The following MYO18B variants were observed in gnomAD, a reference collection of about 807,000 sequenced individuals.
The protein encoded by MYO18B is myosin XVIIIB.
Under a neutral mutation model 273.0 loss-of-function variants are expected in MYO18B, and 204 were observed. The observed-to-expected ratio is 0.75, with a 90% CI of 0.67 to 0.84. MYO18B has a LOEUF of 0.84. Among genes scored for constraint, MYO18B ranks in the 40% least tolerant of loss-of-function variants. The probability of loss-of-function intolerance (pLI) is 0.00; values close to 1 mark genes in which losing one functional copy is unlikely to be tolerated. For synonymous variants in MYO18B, 1,330 were observed against 1,305.7 expected (o/e 1.02, Z -0.40); for missense variants, 3,212 against 3,287.6 (o/e 0.98, Z 0.56).
intron 12 of MYO18B, among the ~76,000 whole-genome samples, chr22:25,802,104 C>T (rs769606166): frequency 1.3e-5 from 2 of 152,244 alleles, no homozygotes; most frequent in African/African-American, 4.8e-5. Flanking sequence ...AAGTACCCGA[C>T]CTCCCATACT....
the MYO18B span, among the ~76,000 whole-genome samples, chr22:26,060,769 C>G: frequency 6.8e-6 from 1 of 147,334 alleles, no homozygotes; most frequent in East Asian, 1.9e-4. Flanking sequence ...TACAAACATG[C>G]ATACATTTAT....
chr22:25,763,475 C>A, intron 3 of MYO18B, 86 bp downstream of exon 3: 1 of 1,453,210 alleles, frequency 6.9e-7, no homozygotes, highest in East Asian at 2.4e-5. Flanking sequence ...ATTTGTCATC[C>A]TGCCTTTGCT....
chr22:26,036,134 C>G, the MYO18B span, among the ~76,000 whole-genome samples: 4 of 152,192 alleles, frequency 2.6e-5, no homozygotes, highest in African/African-American at 7.2e-5. Context: ...TTGGATGCAG[C>G]CGTAGAAGGC....
chr22:25,885,370 G>A (rs937927825), intron 25 of MYO18B, among the ~76,000 whole-genome samples: 1 of 152,158 alleles, frequency 6.6e-6, no homozygotes, highest in East Asian at 1.9e-4. Flanking sequence ...TTGAGGAGAA[G>A]CATCTACTCA....
At chr22:25,960,547 T>C (rs1487074117) in intron 39 of MYO18B, among the ~76,000 whole-genome samples, 2 of 152,198 alleles carry the variant, frequency 1.3e-5, no homozygotes, top group Non-Finnish European at 1.5e-5. Context: ...TTGAAAAACT[T>C]GCATGGTGCT....
chr22:25,794,468 G>C, intron 11 of MYO18B, among the ~76,000 whole-genome samples: 1 of 151,916 alleles, frequency 6.6e-6, no homozygotes, highest in South Asian at 2.1e-4. Context: ...TTACAGGCAT[G>C]AGCCACCACA....
intron 11 of MYO18B, among the ~76,000 whole-genome samples, chr22:25,789,907 C>T (rs568537539): frequency 5.9e-5 from 9 of 152,294 alleles, no homozygotes; most frequent in Admixed American, 1.3e-4. Context: ...AATCCCAGCA[C>T]TTTGGGAGGC....
intron 12 of MYO18B, among the ~76,000 whole-genome samples, chr22:25,812,970 C>A (rs2088828254): frequency 6.6e-6 from 1 of 151,924 alleles, no homozygotes; most frequent in South Asian, 2.1e-4. Context: ...TCTCCTCTTT[C>A]TCTTCCTTCT....
At chr22:25,992,332 G>A in intron 39 of MYO18B, 31 bp from the exon 40 acceptor site, 1 of 1,611,566 alleles carries the variant, frequency 6.2e-7, no homozygotes, top group South Asian at 1.1e-5. Context: ...CTTGCCCAAG[G>A]CCAACGTGTG....
Position 25,946,252 on chromosome 22 carries a change from T to C in MYO18B, c.5631+2T>C. 1.3e-6 allele frequency: 2 copies of C among 1,564,024 alleles called. No individual in the cohort carries two copies. Among genetic ancestry groups the C allele is most frequent in the Non-Finnish European group, 1.7e-6 (2 of 1,155,320 alleles). On this transcript the variant is annotated splice_donor_variant, in intron 35 of 43. Transcript: ENST00000335473. LOFTEE classifies it high-confidence loss of function. ...AACATGACGCGGAACAAGAGCCTGG[T>C]ACCTGTCCCTTCCTGCAGCTGCAGG...
At chr22:25,880,928 G>A (rs1345971359) in intron 25 of MYO18B, among the ~76,000 whole-genome samples, 8 of 152,194 alleles carry the variant, frequency 5.3e-5, no homozygotes, top group African/African-American at 7.2e-5. Context: ...GGCAGGTGCC[G>A]AGGTCCTGGG....
chr22:25,935,848 C>T (rs1230971936), intron 34 of MYO18B, among the ~76,000 whole-genome samples: 2 of 152,196 alleles, frequency 1.3e-5, no homozygotes, highest in Admixed American at 1.3e-4. Flanking sequence ...GAGACCTATG[C>T]ATGGAGGATG....
chr22:25,743,850 C>A (rs2085698726), intron 1 of MYO18B, among the ~76,000 whole-genome samples: 1 of 152,154 alleles, frequency 6.6e-6, no homozygotes, highest in Non-Finnish European at 1.5e-5. Flanking sequence ...ATTCAGCATC[C>A]AGGAAGGTTT....
Position 25,763,260 on chromosome 22 carries a change from A to ATCCTCGCCCCC in MYO18B, c.75_85dup (p.Leu29ArgfsTer34), listed in dbSNP as rs1568980428. 8 of 1,610,666 alleles carry ATCCTCGCCCCC rather than the reference A, an allele frequency of 5.0e-6. No individual in the cohort carries two copies. Among genetic ancestry groups the ATCCTCGCCCCC allele is most frequent in the Non-Finnish European group, 6.8e-6 (8 of 1,178,298 alleles). On this transcript the variant is annotated frameshift_variant, in exon 3 of 44. Transcript: ENST00000335473. LOFTEE classifies it high-confidence loss of function. ...GGGAAGAGGACAAGAGCCCTCCACCATCCTCGCCCCCTCCTCTTTTCTCTG... is the reference window on the plus strand; with the variant it reads ...GGGAAGAGGACAAGAGCCCTCCACCATCCTCGCCCCCTCCTCGCCCCCTCCTCTTTTCTCTG...
At chr22:26,020,652 G>T (rs1935732407) in intron 42 of MYO18B, among the ~76,000 whole-genome samples, 2 of 152,160 alleles carry the variant, frequency 1.3e-5, no homozygotes, top group Non-Finnish European at 2.9e-5. Flanking sequence ...TGGTAGTACT[G>T]GGGGTAATGG....
intron 21 of MYO18B, among the ~76,000 whole-genome samples, chr22:25,867,986 A>G (rs1172307713): frequency 1.3e-5 from 2 of 152,212 alleles, no homozygotes; most frequent in African/African-American, 4.8e-5. Context: ...TGGCCAGATC[A>G]TCTGGTAATT....
chr22:25,982,995 G>T (rs781416131), intron 39 of MYO18B, among the ~76,000 whole-genome samples: 21 of 152,132 alleles, frequency 1.4e-4, no homozygotes, highest in Non-Finnish European at 2.8e-4. Context: ...CTAAGTGTTC[G>T]GGTAACCTAG....
chr22:25,765,250 G>C (rs1029568643), intron 3 of MYO18B, among the ~76,000 whole-genome samples: 2 of 152,160 alleles, frequency 1.3e-5, no homozygotes, highest in East Asian at 3.8e-4. Flanking sequence ...GGAGCCTCAG[G>C]ACATGTTTCC....
intron 17 of MYO18B, 109 bp downstream of exon 17, chr22:25,835,552 C>T (rs755287387): frequency 3.0e-5 from 40 of 1,349,600 alleles, no homozygotes; most frequent in South Asian, 8.0e-5. Flanking sequence ...GAGGCTCCAA[C>T]GTGCAGAGGT....
Sources: gnomAD v4.1 joint callset for allele counts (sites outside exome capture counted in the v4.1 genomes callset) on GRCh38, gnomAD v4.1.1 for gene constraint, MANE v1.5 for transcripts, NCBI Gene and HGNC (gene_info 2026-07-23, HGNC 2026-07-21) for gene names.